The following NELL1 variants were observed in gnomAD, a reference collection of about 807,000 sequenced individuals.
NELL1 encodes the protein neural EGFL like 1.
Under a neutral mutation model 107.4 loss-of-function variants are expected in NELL1, and 76 were observed. That is an observed-to-expected ratio of 0.71 (90% confidence interval 0.59 to 0.86). NELL1 has a LOEUF of 0.86. Among genes scored for constraint, NELL1 ranks in the 40% least tolerant of loss-of-function variants. The pLI is 0.00. For synonymous variants in NELL1, 353 were observed against 341.2 expected (o/e 1.03, Z -0.38); for missense variants, 1,024 against 1,005.5 (o/e 1.02, Z -0.25).
intron 15 of NELL1, among the ~76,000 whole-genome samples, chr11:21,404,149 G>A (rs1441023486): frequency 6.6e-6 from 1 of 151,778 alleles, no homozygotes; most frequent in East Asian, 2.0e-4. Flanking sequence ...CTGCACTTTA[G>A]AAACAGCCTG....
At chr11:21,086,334 G>T (rs1020618059) in intron 12 of NELL1, among the ~76,000 whole-genome samples, 1 of 151,838 alleles carries the variant, frequency 6.6e-6, no homozygotes, top group African/African-American at 2.4e-5. Context: ...TTTACTTTCT[G>T]TTTGGGCACA....
Position 20,742,496 on chromosome 11 carries a change from A to G in NELL1, c.185-41184A>G, listed in dbSNP as rs11025738. Among the ~76,000 whole-genome samples the G allele has an allele frequency of 9.9e-5, 15 of 152,276 alleles. No individual in the cohort carries two copies. The East Asian group carries it at 2.5e-3, about 26-fold the overall frequency. ...CACACTGCTAATAAACACATATCTG[A>G]GACTGGGTAATTTATAAAGAAAAGA... is the stretch of plus-strand genomic sequence containing the variant. On this transcript the variant is annotated intron_variant, in intron 2 of 19. Coordinates refer to ENST00000357134, the MANE Select transcript of NELL1 (RefSeq NM_006157.5).
chr11:20,768,940 A>G (rs1216761355), intron 2 of NELL1, among the ~76,000 whole-genome samples: 2 of 152,196 alleles, frequency 1.3e-5, no homozygotes, highest in Non-Finnish European at 1.5e-5. Flanking sequence ...ATTTGTCACA[A>G]CAGCCATAAG....
intron 14 of NELL1, among the ~76,000 whole-genome samples, chr11:21,287,512 T>G (rs1318297704): frequency 1.3e-5 from 2 of 152,180 alleles, no homozygotes; most frequent in Non-Finnish European, 2.9e-5. Flanking sequence ...CATTTTCCCT[T>G]CCTCAGGTTC....
At chr11:21,029,748 C>A (rs1313007212) in intron 12 of NELL1, among the ~76,000 whole-genome samples, 1 of 152,088 alleles carries the variant, frequency 6.6e-6, no homozygotes, top group Non-Finnish European at 1.5e-5. Context: ...GAATAAAGGG[C>A]ATGGAAGAAC....
chr11:21,397,279 C>T (rs774866267), intron 15 of NELL1, among the ~76,000 whole-genome samples: 6 of 151,520 alleles, frequency 4.0e-5, no homozygotes, highest in Non-Finnish European at 7.4e-5. Context: ...CATGTGAAGA[C>T]TGAGCATCAG....
chr11:21,534,053 G>C (rs1322525288), intron 15 of NELL1, among the ~76,000 whole-genome samples: 4 of 151,706 alleles, frequency 2.6e-5, no homozygotes, highest in Non-Finnish European at 4.4e-5. Flanking sequence ...CAAAAAAAAA[G>C]TCATATACAC....
At chr11:20,987,024 A>C (rs1471277568) in intron 12 of NELL1, among the ~76,000 whole-genome samples, 1 of 152,226 alleles carries the variant, frequency 6.6e-6, no homozygotes, top group Non-Finnish European at 1.5e-5. Flanking sequence ...AAACTTCAGA[A>C]TATCTAATGC....
chr11:20,670,212 G>A (rs1361692275), intron 1 of NELL1, among the ~76,000 whole-genome samples: 4 of 152,316 alleles, frequency 2.6e-5, no homozygotes, highest in African/African-American at 9.6e-5. Flanking sequence ...CGCAGAGGGA[G>A]CGCTTCCGGC....
chr11:20,935,846 G>A (rs139077045), intron 9 of NELL1: 3 of 152,430 alleles, frequency 2.0e-5, no homozygotes, highest in Non-Finnish European at 4.4e-5. Context: ...GACACTGATT[G>A]GACATGGAGT....
In NELL1 at chr11:20,796,882, A is replaced by G. The variant is rs118113470; in HGVS notation, c.335+13052A>G. Among the ~76,000 whole-genome samples the G allele has an allele frequency of 3.4e-3, 519 of 152,324 alleles. 4 individuals carry two copies. The highest frequency in any genetic ancestry group is 6.1e-3 in the Non-Finnish European group (412 of 68,026). On this transcript the variant is annotated intron_variant, in intron 3 of 19. Transcript: ENST00000357134. ...ATTCTTTCCACCAAGAGTTATGCTT[A>G]ATATGTTAAATAGAAGGATAAGCAG...
intron 12 of NELL1, among the ~76,000 whole-genome samples, chr11:21,065,556 C>T (rs1441839902): frequency 1.3e-5 from 2 of 152,118 alleles, no homozygotes; most frequent in South Asian, 4.1e-4. Context: ...AATGGATTCT[C>T]TTTTTATTTT....
chr11:21,202,937 G>T (rs1178270193), intron 13 of NELL1, among the ~76,000 whole-genome samples: 1 of 152,150 alleles, frequency 6.6e-6, no homozygotes, highest in Non-Finnish European at 1.5e-5. Context: ...GTGCAGTTTT[G>T]AGTGAGTTTC....
chr11:20,711,341 C>T (rs1855108710), intron 2 of NELL1, among the ~76,000 whole-genome samples: 2 of 152,094 alleles, frequency 1.3e-5, no homozygotes, highest in South Asian at 4.1e-4. Context: ...TTCTGTCATT[C>T]TGTATTTTTT....
intron 15 of NELL1, among the ~76,000 whole-genome samples, chr11:21,399,036 C>A (rs1852039592): frequency 8.9e-6 from 1 of 112,370 alleles, no homozygotes; most frequent in African/African-American, 2.9e-5. Context: ...CATGTCTCTT[C>A]TGAAGAAAGA....
chr11:21,095,780 T>G (rs1231887411), intron 12 of NELL1, among the ~76,000 whole-genome samples: 1 of 152,022 alleles, frequency 6.6e-6, no homozygotes, highest in Non-Finnish European at 1.5e-5. Flanking sequence ...CCAACTACTT[T>G]TGTATTTTTA....
At chr11:21,337,759 T>C (rs1046227018) in intron 14 of NELL1, among the ~76,000 whole-genome samples, 2 of 143,728 alleles carry the variant, frequency 1.4e-5, no homozygotes. Flanking sequence ...TTTCTTTCTT[T>C]CTTTCTTTCT....
At chr11:21,312,601 C>G (rs114643457) in intron 14 of NELL1, among the ~76,000 whole-genome samples, 3,618 of 152,114 alleles carry the variant, frequency 0.024, 148 homozygotes, top group African/African-American at 0.084. Context: ...CTCAGACTAG[C>G]ACACAGAAGG....
At position 21,289,952 on chromosome 11, in the gene NELL1, T is replaced by C. The variant is rs114878145; in HGVS notation, c.1549+60498T>C. On this transcript the variant is annotated intron_variant, in intron 14 of 19. Coordinates refer to ENST00000357134, the MANE Select transcript of NELL1 (RefSeq NM_006157.5). ...AGACTGCCTCTCTAGATTCCTCCTCTCTGGGAGTAGCATCTCTAAAAGAAA... is the reference window on the plus strand; with the variant it reads ...AGACTGCCTCTCTAGATTCCTCCTCCCTGGGAGTAGCATCTCTAAAAGAAA... Among the ~76,000 whole-genome samples the C allele has an allele frequency of 4.6e-3, 702 of 152,292 alleles. 4 individuals are homozygous for C. The highest frequency in any genetic ancestry group is 0.013 in the African/African-American group (549 of 41,572).
Sources: gnomAD v4.1 joint callset for allele counts (sites outside exome capture counted in the v4.1 genomes callset) on GRCh38, gnomAD v4.1.1 for gene constraint, MANE v1.5 for transcripts, NCBI Gene and HGNC (gene_info 2026-07-23, HGNC 2026-07-21) for gene names.